Variants in CADM1 observed in about 807,000 individuals in gnomAD.
The protein encoded by CADM1 is TSLC-1.
In CADM1, 15 loss-of-function variants were observed where a neutral mutation model predicts 53.1. That is an observed-to-expected ratio of 0.28 (90% confidence interval 0.19 to 0.44). The LOEUF is 0.44. CADM1 is among the 20% of genes least tolerant of loss of function. The pLI is 1.00. For missense variants in CADM1, 434 were observed against 611.3 expected, an observed-to-expected ratio of 0.71 and a Z score of 3.06; for synonymous variants, 281 against 243.0, an observed-to-expected ratio of 1.16 and a Z score of -1.45.
intron 1 of CADM1, among the ~76,000 whole-genome samples, chr11:115,358,570 A>G (rs940124473): frequency 1.3e-5 from 2 of 152,170 alleles, no homozygotes; most frequent in Non-Finnish European, 2.9e-5. Flanking sequence ...TGTGGGAATT[A>G]CGGGAGCTAC....
intron 1 of CADM1, among the ~76,000 whole-genome samples, chr11:115,359,370 A>G (rs1434288598): frequency 1.3e-5 from 2 of 152,144 alleles, no homozygotes; most frequent in African/African-American, 4.8e-5. Context: ...AATTCTCACT[A>G]GTACAATGTA....
At chr11:115,200,544 G>A (rs537560235) in intron 8 of CADM1, among the ~76,000 whole-genome samples, 1 of 152,174 alleles carries the variant, frequency 6.6e-6, no homozygotes, top group African/African-American at 2.4e-5. Flanking sequence ...TGCCCAGGCT[G>A]GAGAGCAACG....
chr11:115,214,539 A>G (rs1941093621), intron 7 of CADM1, 69 bp downstream of exon 7: 1 of 1,465,410 alleles, frequency 6.8e-7, no homozygotes, highest in Non-Finnish European at 9.6e-7. Context: ...AAAAGCTTTG[A>G]GAGTAAATCA....
intron 1 of CADM1, among the ~76,000 whole-genome samples, chr11:115,303,088 G>T (rs1196265539): frequency 6.6e-6 from 1 of 152,076 alleles, no homozygotes; most frequent in Non-Finnish European, 1.5e-5. Context: ...CAAAAGGGGG[G>T]CAACAAATAA....
At chr11:115,190,834 T>G (rs535852344) in intron 10 of CADM1, 54 bp downstream of exon 10, 2 of 1,458,946 alleles carry the variant, frequency 1.4e-6, no homozygotes, top group African/African-American at 1.4e-5. Flanking sequence ...TAGAAGTGGA[T>G]AGAGCACCCA....
In CADM1 at chr11:115,284,087, A is replaced by ACTCTCTCTCTCTCTCTCTCTCTCCCT. The variant is rs1555055855; in HGVS notation, c.125-43668_125-43667insAGGGAGAGAGAGAGAGAGAGAGAGAG. On this transcript the variant is annotated intron_variant, in intron 1 of 11. Transcript: ENST00000331581. Reference sequence around the variant, plus strand: ...AGGGTGAAGATCTACAAGCCCAGACACTCTCTCTCTCTCTCTCTCTCTCTC... The same window carrying ACTCTCTCTCTCTCTCTCTCTCTCCCT: ...AGGGTGAAGATCTACAAGCCCAGACACTCTCTCTCTCTCTCTCTCTCTCCCTCTCTCTCTCTCTCTCTCTCTCTCTC... 1.7e-4 allele frequency among the ~76,000 whole-genome samples: 8 copies of ACTCTCTCTCTCTCTCTCTCTCTCCCT among 47,592 alleles called. 1 individual carries two copies. The South Asian group carries it at 3.6e-3, about 21-fold the overall frequency. 31.2% of individuals were successfully genotyped at this position (47,592 alleles called of 152,430 possible).
Position 115,176,216 on chromosome 11 carries a change from G to C in CADM1, c.*258C>G, listed in dbSNP as rs1477745320. ...TGCAATCTACTGAAACTAAATCCAA[G>C]TATCCAAGTTTGACTTGGTAGGAAG... On this transcript the variant is annotated 3_prime_UTR_variant, in exon 12 of 12. Coordinates refer to ENST00000331581, the MANE Select transcript of CADM1 (RefSeq NM_001301043.2). 2 of 1,235,690 alleles carry C rather than the reference G, an allele frequency of 1.6e-6. No homozygotes were observed. The highest frequency in any genetic ancestry group is 1.0e-6 in the Non-Finnish European group (1 of 974,616). The allele number at this position is 1,235,690 out of a possible 1,614,324, so 76.5% of individuals were successfully genotyped here.
chr11:115,238,557 A>T lies in CADM1; in HGVS notation c.367T>A (p.Phe123Ile), dbSNP rs763824608. 1 of 1,613,970 alleles carries T rather than the reference A, an allele frequency of 6.2e-7. No individual in the cohort carries two copies. Among genetic ancestry groups the T allele is most frequent in the East Asian group, 2.2e-5 (1 of 44,864 alleles). Residue 123 changes from phenylalanine to isoleucine, a missense_variant, in exon 3 of 12, where the codon TTT becomes ATT. Physicochemically the swap from Phe to Ile is conservative, Grantham distance 21 (BLOSUM62 0). Coordinates refer to ENST00000331581, the MANE Select transcript of CADM1 (RefSeq NM_001301043.2). ...NVSISDEGRY[F>I]CQLYTDPPQE... ...GGGGGATCGGTATAGAGCTGGCAAA[A>T]GTATCTTCCTTCATCAGAAATTGAG...
chr11:115,431,306 A>G, intron 1 of CADM1, among the ~76,000 whole-genome samples: 1 of 152,052 alleles, frequency 6.6e-6, no homozygotes, highest in East Asian at 1.9e-4. Flanking sequence ...CCAGCCCATC[A>G]CCAAGCTTGT....
intron 1 of CADM1, among the ~76,000 whole-genome samples, chr11:115,500,273 C>T (rs1949702140): frequency 1.3e-5 from 2 of 152,214 alleles, no homozygotes; most frequent in East Asian, 3.9e-4. Context: ...AGAATCCCCA[C>T]ATTAAAATGC....
At chr11:115,454,581 A>G (rs1260171435) in intron 1 of CADM1, among the ~76,000 whole-genome samples, 1 of 152,188 alleles carries the variant, frequency 6.6e-6, no homozygotes, top group African/African-American at 2.4e-5. Flanking sequence ...AATCTCATAA[A>G]ATGTGAAGAT....
chr11:115,343,918 A>G (rs1945511422), intron 1 of CADM1, among the ~76,000 whole-genome samples: 1 of 152,154 alleles, frequency 6.6e-6, no homozygotes, highest in African/African-American at 2.4e-5. Flanking sequence ...ATATAATCTC[A>G]AAATAGCAGA....
intron 1 of CADM1, among the ~76,000 whole-genome samples, chr11:115,303,627 C>T (rs1443516625): frequency 6.6e-6 from 1 of 152,010 alleles, no homozygotes; most frequent in Admixed American, 6.6e-5. Flanking sequence ...AAAACTGGCA[C>T]TTTGTCATAG....
intron 1 of CADM1, among the ~76,000 whole-genome samples, chr11:115,427,632 C>A (rs1454220378): frequency 6.6e-6 from 1 of 152,092 alleles, no homozygotes; most frequent in Admixed American, 6.6e-5. Flanking sequence ...TTATCTAAAA[C>A]ATTTTGTAAA....
chr11:115,300,989 C>A (rs1565352170), intron 1 of CADM1, among the ~76,000 whole-genome samples: 1 of 152,064 alleles, frequency 6.6e-6, no homozygotes, highest in African/African-American at 2.4e-5. Flanking sequence ...ACCGCCCCCC[C>A]ACCACTCAAA....
Position 115,217,957 on chromosome 11 carries a change from A to G in CADM1, c.756T>C (p.Pro252=), listed in dbSNP as rs780888902. 14 of 1,613,462 alleles carry G rather than the reference A, an allele frequency of 8.7e-6. No individual in the cohort carries two copies. In the African/African-American group the frequency reaches 1.5e-4, roughly 17 times the overall value. ...KPQVHIQMTY[P]LQGLTREGDA... The stretch of plus-strand genomic sequence containing the variant: ...CCCCTTCCCGGGTTAAGCCTTGTAG[A>G]GGATAAGTCATCTGAATGTGCACTT... The change falls in exon 6 of 12, where the codon CCT becomes CCC. Residue 252 remains proline, a synonymous_variant. Coordinates refer to ENST00000331581, the MANE Select transcript of CADM1 (RefSeq NM_001301043.2).
intron 1 of CADM1, among the ~76,000 whole-genome samples, chr11:115,269,302 C>T (rs186811663): frequency 1.3e-5 from 2 of 152,206 alleles, no homozygotes; most frequent in African/African-American, 2.4e-5. Context: ...GACAAGCTAC[C>T]GACCTGAGAG....
chr11:115,228,886 ATAT>A (rs1245864533), intron 5 of CADM1, among the ~76,000 whole-genome samples: 2 of 152,168 alleles, frequency 1.3e-5, no homozygotes, highest in African/African-American at 4.8e-5. Context: ...GAGCAGATTG[ATAT>A]TATTTCAGTT....
rs1939020451 is a variant in CADM1 at position 115,176,224 on chromosome 11, G to A, written c.*250C>T. The A allele has an allele frequency of 4.8e-6, 6 of 1,248,722 alleles. No homozygotes were observed. Among genetic ancestry groups the A allele is most frequent in the Non-Finnish European group, 6.1e-6 (6 of 982,594 alleles). The allele number at this position is 1,248,722 out of a possible 1,614,324, so 77.4% of individuals were successfully genotyped here. On this transcript the variant is annotated 3_prime_UTR_variant, in exon 12 of 12. Coordinates refer to ENST00000331581, the MANE Select transcript of CADM1 (RefSeq NM_001301043.2). ...ACTGAAACTAAATCCAAGTATCCAA[G>A]TTTGACTTGGTAGGAAGAAATAAAA... is the stretch of plus-strand genomic sequence containing the variant.
Sources: allele counts gnomAD v4.1 joint callset (sites outside exome capture counted in the v4.1 genomes callset), GRCh38; gene constraint gnomAD v4.1.1; transcripts MANE v1.5; gene names NCBI Gene and HGNC (gene_info 2026-07-23, HGNC 2026-07-21).